Variants in SSBP2 observed in about 807,000 individuals in gnomAD.
The protein encoded by SSBP2 is single-stranded DNA-binding protein 2.
Under a neutral mutation model 61.8 loss-of-function variants are expected in SSBP2, and 17 were observed. The ratio of observed to expected loss-of-function variants is 0.28; its 90% CI spans 0.19 to 0.41. The LOEUF is 0.41. SSBP2 is among the 10% of genes least tolerant of loss of function. The pLI, the probability that SSBP2 is intolerant of heterozygous loss-of-function variation, is 1.00. For missense variants in SSBP2, 310 were observed against 458.7 expected (o/e 0.68, Z 2.96); for synonymous variants, 139 against 141.3 (o/e 0.98, Z 0.12).
chr5:81,597,738 C>T, intron 4 of SSBP2, among the ~76,000 whole-genome samples: 1 of 151,564 alleles, frequency 6.6e-6, no homozygotes, highest in Non-Finnish European at 1.5e-5. Flanking sequence ...AACCATCATT[C>T]TCAGCAAACT....
chr5:81,459,598 C>G (rs892614920), intron 10 of SSBP2, among the ~76,000 whole-genome samples: 10 of 152,152 alleles, frequency 6.6e-5, no homozygotes, highest in Non-Finnish European at 4.4e-5. Context: ...ATGAGACATG[C>G]AGATAATGGA....
chr5:81,630,393 GA>G (rs1747588213), intron 3 of SSBP2, among the ~76,000 whole-genome samples: 1 of 152,246 alleles, frequency 6.6e-6, no homozygotes, highest in South Asian at 2.1e-4. Flanking sequence ...GCATTTTTCT[GA>G]AAGATGAGAT....
chr5:81,671,517 A>G (rs954534186), intron 1 of SSBP2, among the ~76,000 whole-genome samples: 1 of 152,120 alleles, frequency 6.6e-6, no homozygotes, highest in Non-Finnish European at 1.5e-5. Flanking sequence ...AGAGTTTAAC[A>G]ATTTAGTACC....
chr5:81,565,404 T>C (rs1013647584), intron 4 of SSBP2, among the ~76,000 whole-genome samples: 1 of 152,290 alleles, frequency 6.6e-6, no homozygotes, highest in African/African-American at 2.4e-5. Flanking sequence ...TACTTAAATA[T>C]AAAACTATTG....
chr5:81,534,053 G>C (rs926428592), intron 4 of SSBP2, among the ~76,000 whole-genome samples: 8 of 152,054 alleles, frequency 5.3e-5, no homozygotes, highest in Non-Finnish European at 4.4e-5. Context: ...GGTTTTATCA[G>C]AGCCTAACTG....
chr5:81,673,647 A>G (rs544968664), intron 1 of SSBP2, among the ~76,000 whole-genome samples: 1 of 152,308 alleles, frequency 6.6e-6, no homozygotes, highest in East Asian at 1.9e-4. Flanking sequence ...GAGAAAAGAG[A>G]CAAGTCAAGA....
intron 1 of SSBP2, among the ~76,000 whole-genome samples, chr5:81,703,156 TA>T (rs1754109479): frequency 6.6e-6 from 1 of 152,246 alleles, no homozygotes; most frequent in Non-Finnish European, 1.5e-5. Context: ...TATTAAATTA[TA>T]AAAACCTTTA....
chr5:81,717,063 CTTAATA>C (rs745660678), intron 1 of SSBP2, among the ~76,000 whole-genome samples: 3 of 152,068 alleles, frequency 2.0e-5, no homozygotes, highest in Non-Finnish European at 4.4e-5. Context: ...TTTATTGATT[CTTAATA>C]TTAATATAAC....
intron 4 of SSBP2, among the ~76,000 whole-genome samples, chr5:81,610,275 A>C (rs541333373): frequency 1.3e-5 from 2 of 152,322 alleles, no homozygotes; most frequent in East Asian, 1.9e-4. Context: ...TGTCAGAAGA[A>C]TGATCCTAAA....
intron 1 of SSBP2, among the ~76,000 whole-genome samples, chr5:81,704,720 CA>C (rs1187734470): frequency 7.0e-6 from 1 of 142,560 alleles, no homozygotes; most frequent in African/African-American, 2.7e-5. Context: ...CGCTTGAACC[CA>C]GGAGGCGGAG....
At chr5:81,738,436 C>G (rs1219858212) in intron 1 of SSBP2, among the ~76,000 whole-genome samples, 1 of 152,180 alleles carries the variant, frequency 6.6e-6, no homozygotes, top group Admixed American at 6.5e-5. Flanking sequence ...TCACACTTAT[C>G]CTTTCTCATT....
rs1208325647 is a variant in SSBP2, at chr5:81,415,043, C to T, written c.*5461G>A. 2.0e-5 allele frequency: 3 copies of T among 152,174 alleles called. No individual in the cohort carries two copies. Among genetic ancestry groups the T allele is most frequent in the Non-Finnish European group, 4.4e-5 (3 of 68,020 alleles). 9.4% of individuals were successfully genotyped at this position (152,174 alleles called of 1,614,324 possible). A position where few individuals can be genotyped will look rare whatever the true frequency, so the allele number is the denominator to read the frequency against. On this transcript the variant is annotated 3_prime_UTR_variant, in exon 17 of 17. Coordinates refer to ENST00000320672, the MANE Select transcript of SSBP2 (RefSeq NM_012446.5). ...TTTCTCAAGGTATGGTTCACAGACC[C>T]AGGGAGACCTTTACACATGCTTAAG...
intron 9 of SSBP2, among the ~76,000 whole-genome samples, 159 bp from the exon 10 acceptor site, chr5:81,461,262 A>G (rs1764519540): frequency 6.6e-6 from 1 of 152,026 alleles, no homozygotes. Flanking sequence ...ATAGCTTTTT[A>G]TATTAATTAA....
At chr5:81,478,817 C>T (rs750986748) in intron 6 of SSBP2, among the ~76,000 whole-genome samples, 9 of 152,126 alleles carry the variant, frequency 5.9e-5, no homozygotes, top group Non-Finnish European at 1.0e-4. Context: ...GTTATACACT[C>T]TGAACTTTGA....
chr5:81,664,129 GTTTTT>G (rs71278675), intron 1 of SSBP2, among the ~76,000 whole-genome samples: 1 of 141,554 alleles, frequency 7.1e-6, no homozygotes, highest in South Asian at 2.2e-4. Flanking sequence ...TTTTGTTTTT[GTTTTT>G]TTTTTTGAGA....
At chr5:81,566,480 C>T (rs948159628) in intron 4 of SSBP2, among the ~76,000 whole-genome samples, 2 of 152,202 alleles carry the variant, frequency 1.3e-5, no homozygotes, top group African/African-American at 4.8e-5. Context: ...GGACTTGCTC[C>T]TCCTTGCCTT....
chr5:81,573,098 T>C (rs899077887), intron 4 of SSBP2, among the ~76,000 whole-genome samples: 2 of 152,208 alleles, frequency 1.3e-5, no homozygotes, highest in African/African-American at 2.4e-5. Flanking sequence ...GATACTTAAA[T>C]TGTTTGGACC....
At chr5:81,584,637 G>A (rs1003479003) in intron 4 of SSBP2, among the ~76,000 whole-genome samples, 3 of 152,072 alleles carry the variant, frequency 2.0e-5, no homozygotes, top group African/African-American at 4.8e-5. Flanking sequence ...AGCCCAGCAC[G>A]GATATAAATG....
At chr5:81,575,313 GT>G (rs1774129110) in intron 4 of SSBP2, among the ~76,000 whole-genome samples, 1 of 152,126 alleles carries the variant, frequency 6.6e-6, no homozygotes, top group Non-Finnish European at 1.5e-5. Context: ...AACGTTTTCT[GT>G]AAAAATAGTG....
Sources: allele counts gnomAD v4.1 joint callset (sites outside exome capture counted in the v4.1 genomes callset), GRCh38; gene constraint gnomAD v4.1.1; transcripts MANE v1.5; gene names NCBI Gene and HGNC (gene_info 2026-07-23, HGNC 2026-07-21).